AUTS2: variants seen among roughly 807,000 people sequenced by gnomAD.
The protein encoded by AUTS2 is autism susceptibility gene 2 protein.
Under a neutral mutation model 112.4 loss-of-function variants are expected in AUTS2, and 17 were observed. That is an observed-to-expected ratio of 0.15 (90% CI 0.10 to 0.23). The LOEUF (loss-of-function observed/expected upper bound fraction) is 0.23. AUTS2 is among the 10% of genes least tolerant of loss of function. The pLI, the probability that AUTS2 is intolerant of heterozygous loss-of-function variation, is 1.00. For missense variants in AUTS2, 1,510 were observed against 1,701.6 expected (o/e 0.89, Z 1.98); for synonymous variants, 751 against 702.7 (o/e 1.07, Z -1.09).
chr7:70,136,419 T>C lies in AUTS2; in HGVS notation c.660+1848T>C, dbSNP rs1806566199. Among the ~76,000 whole-genome samples the C allele has an allele frequency of 2.0e-5, 3 of 152,346 alleles. No homozygotes were observed. In the East Asian group the frequency reaches 5.8e-4, roughly 29 times the overall value. ...TATCAGAGTGCAAAATCCATTGATA[T>C]TGTTGCCCAGTCCTCATGAAAAGTA... is the stretch of plus-strand genomic sequence containing the variant. On this transcript the variant is annotated intron_variant, in intron 4 of 18. Transcript: ENST00000342771.
intron 1 of AUTS2, among the ~76,000 whole-genome samples, chr7:69,792,441 A>G (rs554976091): frequency 2.6e-5 from 4 of 152,028 alleles, no homozygotes; most frequent in African/African-American, 7.2e-5. Flanking sequence ...GGGTTTCACC[A>G]TGTTAGCCAG....
intron 5 of AUTS2, among the ~76,000 whole-genome samples, chr7:70,652,986 G>T (rs1379612739): frequency 6.6e-6 from 1 of 152,038 alleles, no homozygotes; most frequent in African/African-American, 2.4e-5. Context: ...CAGGTGTGGT[G>T]GCTCATGCCT....
intron 4 of AUTS2, among the ~76,000 whole-genome samples, chr7:70,191,745 T>C (rs1444506087): frequency 6.6e-6 from 1 of 152,090 alleles, no homozygotes; most frequent in Non-Finnish European, 1.5e-5. Flanking sequence ...TGATTTTACA[T>C]GGACAATAGT....
chr7:70,135,962 G>A (rs1190560662), intron 4 of AUTS2, among the ~76,000 whole-genome samples: 4 of 152,010 alleles, frequency 2.6e-5, no homozygotes, highest in Admixed American at 1.3e-4. Context: ...CAGAAAGAAG[G>A]CCAAAGCCAC....
At chr7:70,319,130 T>A (rs1385210790) in intron 4 of AUTS2, among the ~76,000 whole-genome samples, 1 of 152,174 alleles carries the variant, frequency 6.6e-6, no homozygotes, top group Non-Finnish European at 1.5e-5. Context: ...GACATTTAAA[T>A]AAATAAAATA....
chr7:70,346,978 A>T (rs576885821), intron 4 of AUTS2, among the ~76,000 whole-genome samples: 2 of 152,306 alleles, frequency 1.3e-5, no homozygotes, highest in East Asian at 1.9e-4. Context: ...TTCAGCCAAG[A>T]GTCCGTGCCA....
At chr7:70,539,308 A>G (rs1800450212) in intron 5 of AUTS2, among the ~76,000 whole-genome samples, 1 of 152,188 alleles carries the variant, frequency 6.6e-6, no homozygotes, top group Admixed American at 6.6e-5. Context: ...TCAACCTGAA[A>G]GACTTCCTTC....
At chr7:69,605,481 C>G (rs1792670082) in intron 1 of AUTS2, among the ~76,000 whole-genome samples, 1 of 152,202 alleles carries the variant, frequency 6.6e-6, no homozygotes, top group African/African-American at 2.4e-5. Flanking sequence ...TAGCCCAATT[C>G]TGATGCCACC....
At chr7:70,270,704 T>A (rs1787649860) in intron 4 of AUTS2, among the ~76,000 whole-genome samples, 1 of 152,168 alleles carries the variant, frequency 6.6e-6, no homozygotes, top group Admixed American at 6.5e-5. Flanking sequence ...GTGTTTCAAA[T>A]GCTAACTACC....
At chr7:70,006,338 T>C (rs140580649) in intron 2 of AUTS2, among the ~76,000 whole-genome samples, 118 of 152,260 alleles carry the variant, frequency 7.7e-4, no homozygotes, top group African/African-American at 2.6e-3. Flanking sequence ...GGGAGAAGCC[T>C]GTATTTGATA....
At chr7:69,645,885 A>G (rs762142038) in intron 1 of AUTS2, among the ~76,000 whole-genome samples, 5 of 152,250 alleles carry the variant, frequency 3.3e-5, no homozygotes, top group South Asian at 2.1e-4. Context: ...CGTTAATTGA[A>G]AAGGAGGAGA....
chr7:70,549,418 A>G (rs1447243438), intron 5 of AUTS2, among the ~76,000 whole-genome samples: 2 of 152,226 alleles, frequency 1.3e-5, no homozygotes, highest in African/African-American at 4.8e-5. Flanking sequence ...GCCAAAGATC[A>G]GTGATTATAC....
chr7:69,811,538 C>A (rs1790542281), intron 1 of AUTS2, among the ~76,000 whole-genome samples: 1 of 152,144 alleles, frequency 6.6e-6, no homozygotes, highest in Non-Finnish European at 1.5e-5. Context: ...TGCTCCCCCT[C>A]CCGTCCATAA....
intron 2 of AUTS2, among the ~76,000 whole-genome samples, chr7:70,025,971 C>T (rs913789578): frequency 1.3e-5 from 2 of 152,172 alleles, no homozygotes; most frequent in Admixed American, 6.5e-5. Context: ...GAACTAGGCA[C>T]GAAAAGCTGT....
chr7:69,973,484 G>C (rs780224130), intron 2 of AUTS2, among the ~76,000 whole-genome samples: 3 of 152,168 alleles, frequency 2.0e-5, no homozygotes, highest in African/African-American at 7.2e-5. Flanking sequence ...AGAGTGGTGA[G>C]AGTGAATATC....
rs193055760 is a variant in AUTS2 at position 70,499,140 on chromosome 7, T to C, written c.690+63359T>C. On this transcript the variant is annotated intron_variant, in intron 5 of 18. Transcript: ENST00000342771. ...GACGGGTCCCTGCTCTCGGGATGCTTACAGTCTCACGGAAGGTGAATGCAC... is the reference window on the plus strand; with the variant it reads ...GACGGGTCCCTGCTCTCGGGATGCTCACAGTCTCACGGAAGGTGAATGCAC... 2.8e-4 allele frequency among the ~76,000 whole-genome samples: 42 copies of C among 152,280 alleles called. 1 individual carries two copies. The highest frequency in any genetic ancestry group is 9.9e-4 in the African/African-American group (41 of 41,562).
intron 1 of AUTS2, among the ~76,000 whole-genome samples, chr7:69,893,327 C>CT (rs1317062518): frequency 6.6e-6 from 1 of 152,118 alleles, no homozygotes; most frequent in Non-Finnish European, 1.5e-5. Flanking sequence ...GTGAACATAT[C>CT]TATCTAGTTA....
chr7:69,768,655 G>A (rs1381473038), intron 1 of AUTS2, among the ~76,000 whole-genome samples: 1 of 152,150 alleles, frequency 6.6e-6, no homozygotes, highest in African/African-American at 2.4e-5. Flanking sequence ...TGAAAATGGA[G>A]GAAGTGAAGA....
intron 4 of AUTS2, among the ~76,000 whole-genome samples, chr7:70,417,417 C>T (rs1193163467): frequency 1.3e-5 from 2 of 152,196 alleles, no homozygotes; most frequent in African/African-American, 2.4e-5. Flanking sequence ...TTCATACTGT[C>T]CCAGAAGCAC....
Sources: gnomAD v4.1 joint callset for allele counts (sites outside exome capture counted in the v4.1 genomes callset) on GRCh38, gnomAD v4.1.1 for gene constraint, MANE v1.5 for transcripts, NCBI Gene and HGNC (gene_info 2026-07-23, HGNC 2026-07-21) for gene names.